Variants in CNOT6L observed in about 807,000 individuals in gnomAD.
CNOT6L encodes the protein CCR4-NOT transcription complex subunit 6-like.
Under a neutral mutation model 64.0 loss-of-function variants are expected in CNOT6L, and 7 were observed. That is an observed-to-expected ratio of 0.11 (90% confidence interval 0.06 to 0.21). CNOT6L has a LOEUF of 0.21. Ranked by LOEUF, CNOT6L falls within the 10% of genes least tolerant of loss-of-function variation. The probability of loss-of-function intolerance (pLI) is 1.00; values close to 1 mark genes in which losing one functional copy is unlikely to be tolerated. For synonymous variants in CNOT6L, 193 were observed against 243.4 expected (o/e 0.79, Z 1.93); for missense variants, 245 against 669.0 (o/e 0.37, Z 6.99).
chr4:77,715,391 T>C lies in CNOT6L; in HGVS notation c.*5040A>G, dbSNP rs1252569919. ...CAATTAATAAGCACAAATGTCCTTATGTCATAGGCTTTGAAAGTGAAAACT... is the reference window on the plus strand; with the variant it reads ...CAATTAATAAGCACAAATGTCCTTACGTCATAGGCTTTGAAAGTGAAAACT... On this transcript the variant is annotated 3_prime_UTR_variant, in exon 12 of 12. Coordinates refer to ENST00000504123, the MANE Select transcript of CNOT6L (RefSeq NM_144571.3). 1.3e-5 allele frequency: 2 copies of C among 152,206 alleles called. No homozygotes were observed. The highest frequency in any genetic ancestry group is 2.9e-5 in the Non-Finnish European group (2 of 68,026). The allele number at this position is 152,206 out of a possible 1,614,324, so 9.4% of individuals were successfully genotyped here.
At chr4:77,803,474 T>C (rs1731837592) in intron 1 of CNOT6L, among the ~76,000 whole-genome samples, 1 of 152,314 alleles carries the variant, frequency 6.6e-6, no homozygotes, top group Admixed American at 6.5e-5. Flanking sequence ...TTTAAAAAAG[T>C]GTGCAAAAGG....
chr4:77,748,356 T>C lies in CNOT6L; in HGVS notation c.519A>G (p.Pro173=), dbSNP rs201035966. ...AVHPEQLPPR[P]WITLKERDQI... ...GGTCTCGTTCTTTTAATGTAATCCA[T>C]GGCCTCGGAGGAAGCTGCTCTGGAT... Residue 173 remains proline, a synonymous_variant, in exon 6 of 12, where the codon CCA becomes CCG. Coordinates refer to ENST00000504123, the MANE Select transcript of CNOT6L (RefSeq NM_144571.3). The C allele has an allele frequency of 2.7e-4, 441 of 1,612,880 alleles. 2 individuals are homozygous for C. The African/African-American group carries it at 5.0e-3, about 18-fold the overall frequency.
upstream of CNOT6L, chr4:77,819,488 G>A (rs988847871): frequency 1.5e-6 from 2 of 1,333,920 alleles, no homozygotes; most frequent in African/African-American, 1.5e-5. Flanking sequence ...CCCGCCCCGA[G>A]GGGAAGCCGC....
At chr4:77,768,479 AT>A (rs1727132674) in intron 4 of CNOT6L, among the ~76,000 whole-genome samples, 199 of 3,686 alleles carry the variant, frequency 0.054, no homozygotes, top group South Asian at 0.2. Context: ...AAATAAATAT[AT>A]ATATATATAT....
chr4:77,793,062 G>A (rs1451666179), intron 1 of CNOT6L, among the ~76,000 whole-genome samples: 1 of 151,640 alleles, frequency 6.6e-6, no homozygotes, highest in Non-Finnish European at 1.5e-5. Flanking sequence ...TGGTGCTAAG[G>A]TTAAAAATCC....
chr4:77,745,934 G>A (rs936100180), intron 6 of CNOT6L, among the ~76,000 whole-genome samples: 14 of 152,174 alleles, frequency 9.2e-5, no homozygotes, highest in African/African-American at 3.1e-4. Context: ...AGTCCCCTGG[G>A]GGGTCTGACT....
upstream of CNOT6L, among the ~76,000 whole-genome samples, chr4:77,819,989 C>G (rs1403315186): frequency 6.6e-6 from 1 of 152,042 alleles, no homozygotes; most frequent in Non-Finnish European, 1.5e-5. Context: ...GCCGGAGCCG[C>G]GGCTACTGCT....
chr4:77,742,664 A>C (rs1723718222), intron 7 of CNOT6L, among the ~76,000 whole-genome samples: 1 of 152,168 alleles, frequency 6.6e-6, no homozygotes, highest in South Asian at 2.1e-4. Context: ...ATAGTAATTT[A>C]TATATAAAAA....
rs867788044 is a variant in CNOT6L at position 77,753,921 on chromosome 4, T to G, written c.490+2941A>C. Among the ~76,000 whole-genome samples the G allele has an allele frequency of 1.8e-3, 257 of 144,752 alleles. 2 individuals carry two copies. The highest frequency in any genetic ancestry group is 5.3e-3 in the African/African-American group (212 of 39,992). The allele number at this position is 144,752 out of a possible 152,430, so 95.0% of individuals were successfully genotyped here. A position where few individuals can be genotyped will look rare whatever the true frequency, so the allele number is the denominator to read the frequency against. ...CATGTTAAAAAAAAAAAAAAAAAAC[T>G]TGCCTAGCAAACCAGGAATAGAAAA... is the stretch of plus-strand genomic sequence containing the variant. On this transcript the variant is annotated intron_variant, in intron 5 of 11. Transcript: ENST00000504123.
chr4:77,804,877 C>T (rs1351774060), intron 1 of CNOT6L, among the ~76,000 whole-genome samples: 2 of 151,902 alleles, frequency 1.3e-5, no homozygotes, highest in Admixed American at 6.6e-5. Flanking sequence ...ACAGTATGAA[C>T]CTATTTTAGT....
chr4:77,798,677 T>A (rs577087704), intron 1 of CNOT6L, among the ~76,000 whole-genome samples: 220 of 152,222 alleles, frequency 1.4e-3, no homozygotes, highest in Non-Finnish European at 2.2e-3. Flanking sequence ...GGGAGAAAGT[T>A]TGAAGGTTTC....
At chr4:77,765,704 T>G (rs571534542) in intron 4 of CNOT6L, among the ~76,000 whole-genome samples, 3 of 152,332 alleles carry the variant, frequency 2.0e-5, no homozygotes, top group African/African-American at 7.2e-5. Flanking sequence ...CCCTCTGCAT[T>G]CTTGGTTAGT....
At chr4:77,738,238 C>G (rs142363597) in intron 8 of CNOT6L, among the ~76,000 whole-genome samples, 7 of 152,136 alleles carry the variant, frequency 4.6e-5, no homozygotes, top group Non-Finnish European at 8.8e-5. Flanking sequence ...TTCTAAATTG[C>G]TGTTTTCATC....
chr4:77,746,331 T>C (rs1724194745), intron 6 of CNOT6L, among the ~76,000 whole-genome samples: 1 of 152,232 alleles, frequency 6.6e-6, no homozygotes, highest in Non-Finnish European at 1.5e-5. Flanking sequence ...ACTCTGTTTC[T>C]ATCTGGGACC....
intron 1 of CNOT6L, among the ~76,000 whole-genome samples, chr4:77,784,900 A>C (rs1361764000): frequency 6.6e-6 from 1 of 151,982 alleles, no homozygotes; most frequent in South Asian, 2.1e-4. Flanking sequence ...GTCATCTTTT[A>C]CCTCTTCTTC....
At chr4:77,759,438 G>A (rs192470901) in intron 4 of CNOT6L, among the ~76,000 whole-genome samples, 106 of 151,992 alleles carry the variant, frequency 7.0e-4, no homozygotes, top group African/African-American at 2.1e-3. Context: ...GGTTGCGGGC[G>A]CTTGTAGTCC....
chr4:77,723,841 G>T (rs1040987272), intron 11 of CNOT6L, among the ~76,000 whole-genome samples: 2 of 152,206 alleles, frequency 1.3e-5, no homozygotes, highest in African/African-American at 4.8e-5. Flanking sequence ...ACTAACACAT[G>T]TAAGAGCTTT....
chr4:77,753,535 G>C (rs544892473), intron 5 of CNOT6L, among the ~76,000 whole-genome samples: 1 of 152,212 alleles, frequency 6.6e-6, no homozygotes. Context: ...GCTAGGCGTG[G>C]TGGTGTGTGC....
intron 1 of CNOT6L, among the ~76,000 whole-genome samples, chr4:77,777,526 G>A (rs940378595): frequency 6.6e-6 from 1 of 152,154 alleles, no homozygotes; most frequent in Non-Finnish European, 1.5e-5. Context: ...AATATAAGAA[G>A]TACTGCTTGG....
Sources: gnomAD v4.1 joint callset for allele counts (sites outside exome capture counted in the v4.1 genomes callset) on GRCh38, gnomAD v4.1.1 for gene constraint, MANE v1.5 for transcripts, NCBI Gene and HGNC (gene_info 2026-07-23, HGNC 2026-07-21) for gene names.